Variants in DYNC2H1 observed in about 807,000 individuals in gnomAD.
DYNC2H1 encodes the protein cytoplasmic dynein 2 heavy chain 1.
DYNC2H1 carries 410 observed loss-of-function variants against 570.0 expected under a neutral mutation model. The ratio of observed to expected loss-of-function variants is 0.72; its 90% CI spans 0.66 to 0.78. DYNC2H1 has a LOEUF of 0.78. Ranked by LOEUF, DYNC2H1 falls within the 30% of genes least tolerant of loss-of-function variation. The pLI is 0.00. For synonymous variants in DYNC2H1, 1,688 were observed against 1,677.6 expected (o/e 1.01, Z -0.15); for missense variants, 4,865 against 5,046.4 (o/e 0.96, Z 1.09).
intron 82 of DYNC2H1, among the ~76,000 whole-genome samples, chr11:103,351,433 A>G (rs1398729455): frequency 1.3e-5 from 2 of 152,218 alleles, no homozygotes; most frequent in African/African-American, 4.8e-5. Flanking sequence ...GGAGGAGAAG[A>G]ACATTACATT....
At chr11:103,478,927 A>C (rs1462102416) in intron 88 of DYNC2H1, among the ~76,000 whole-genome samples, 168 bp from the exon 89 acceptor site, 1 of 152,206 alleles carries the variant, frequency 6.6e-6, no homozygotes, top group African/African-American at 2.4e-5. Context: ...TAAATAAAAC[A>C]CGATAGGCCA....
At chr11:103,400,133 A>G (rs1399824309) in intron 84 of DYNC2H1, among the ~76,000 whole-genome samples, 2 of 152,200 alleles carry the variant, frequency 1.3e-5, no homozygotes, top group Admixed American at 6.5e-5. Flanking sequence ...AATGAAATTT[A>G]TGTTGATTTC....
At chr11:103,121,960 AT>A (rs1404333805) in intron 10 of DYNC2H1, among the ~76,000 whole-genome samples, 5 of 152,028 alleles carry the variant, frequency 3.3e-5, no homozygotes, top group Admixed American at 6.6e-5. Context: ...CAAAAAAAAA[AT>A]ATTGTAAAAT....
At chr11:103,190,132 T>G (rs1862235655) in intron 45 of DYNC2H1, among the ~76,000 whole-genome samples, 1 of 152,206 alleles carries the variant, frequency 6.6e-6, no homozygotes, top group Non-Finnish European at 1.5e-5. Flanking sequence ...TTTCCTGACT[T>G]CTATCAGTTT....
At chr11:103,362,675 G>T (rs769037450) in intron 83 of DYNC2H1, among the ~76,000 whole-genome samples, 1 of 152,026 alleles carries the variant, frequency 6.6e-6, no homozygotes, top group Non-Finnish European at 1.5e-5. Context: ...CAAATAGAGC[G>T]CTACAAAGTT....
chr11:103,112,450 A>C (rs557291932), intron 1 of DYNC2H1, among the ~76,000 whole-genome samples: 2 of 152,350 alleles, frequency 1.3e-5, no homozygotes, highest in East Asian at 1.9e-4. Flanking sequence ...ATAATATTGC[A>C]GGCAACAAGG....
At chr11:103,354,507 A>C (rs895725055) in intron 82 of DYNC2H1, among the ~76,000 whole-genome samples, 2 of 152,038 alleles carry the variant, frequency 1.3e-5, no homozygotes, top group Non-Finnish European at 2.9e-5. Flanking sequence ...ATACTTCAAT[A>C]GATTTATAAA....
At position 103,201,507 on chromosome 11, in the gene DYNC2H1, C is replaced by A. The variant is rs1406323832; in HGVS notation, c.8197+1353C>A. On this transcript the variant is annotated intron_variant, in intron 50 of 88. Transcript: ENST00000375735. This position sits in a 1 kb window ranked among gnomAD's most constrained non-coding sequence, Gnocchi z 4.8. ...GGATAATTAAAAACAACAACAACAA[C>A]AACAACTAAAAACGAATTCTTTGCT... 6.6e-6 allele frequency among the ~76,000 whole-genome samples: 1 copy of A among 152,122 alleles called. No homozygotes were observed. Among genetic ancestry groups the A allele is most frequent in the East Asian group, 1.9e-4 (1 of 5,198 alleles).
At chr11:103,190,960 C>CCT (rs371317903) in intron 45 of DYNC2H1, among the ~76,000 whole-genome samples, 3 of 110,542 alleles carry the variant, frequency 2.7e-5, no homozygotes, top group African/African-American at 1.0e-4. Flanking sequence ...GCTTTTTAGC[C>CCT]TTTTTTTTTT....
chr11:103,323,830 T>C, intron 81 of DYNC2H1, 56 bp from the exon 82 acceptor site: 3 of 1,278,810 alleles, frequency 2.3e-6, no homozygotes, highest in East Asian at 2.5e-5. Context: ...ATTTCAATGA[T>C]TGTAAGTTCA....
intron 18 of DYNC2H1, among the ~76,000 whole-genome samples, chr11:103,147,257 A>C (rs186460511): frequency 1.3e-5 from 2 of 152,296 alleles, no homozygotes; most frequent in African/African-American, 4.8e-5. Flanking sequence ...GAAGATTCAA[A>C]GTAACCATTC....
At chr11:103,257,832 A>T (rs1865124983) in intron 69 of DYNC2H1, 81 bp downstream of exon 69, 7 of 1,249,026 alleles carry the variant, frequency 5.6e-6, no homozygotes, top group Non-Finnish European at 6.1e-6. Flanking sequence ...TATAATAAAA[A>T]TTATTAAGCA....
chr11:103,128,960 G>A lies in DYNC2H1; in HGVS notation c.1908G>A (p.Arg636=), dbSNP rs773864708. 1.4e-5 allele frequency: 23 copies of A among 1,604,290 alleles called. No individual in the cohort carries two copies. Among genetic ancestry groups the A allele is most frequent in the Admixed American group, 6.8e-5 (4 of 59,234 alleles). ...SIDQQMIQSQ[R]PMMLQSALAF... ...ATCAACAAATGATTCAAAGTCAGAGGCCAATGATGTTACAATCTGCCTTAG... is the reference window on the plus strand; with the variant it reads ...ATCAACAAATGATTCAAAGTCAGAGACCAATGATGTTACAATCTGCCTTAG... Residue 636 remains arginine, a synonymous_variant, in exon 13 of 89, where the codon AGG becomes AGA. Transcript: ENST00000375735.
At chr11:103,309,166 C>CTTTTTTTTTTT (rs1274431520) in intron 78 of DYNC2H1, among the ~76,000 whole-genome samples, 3 of 56,538 alleles carry the variant, frequency 5.3e-5, no homozygotes, top group Non-Finnish European at 7.9e-5. Context: ...TAACTGCATG[C>CTTTTTTTTTTT]TATTTTTTTT....
In DYNC2H1 at chr11:103,225,531, T is replaced by C. The variant is rs572356079; in HGVS notation, c.9353+2445T>C. On this transcript the variant is annotated intron_variant, in intron 59 of 88. Transcript: ENST00000375735. ...GGCATCCTTTCCCTACTCTATGTTT[T>C]TGTTTACTTTGTGAAAGATCAGTTG... Among the ~76,000 whole-genome samples, 8 of 152,320 alleles carry C rather than the reference T, an allele frequency of 5.3e-5. No individual in the cohort carries two copies. In the South Asian group the frequency reaches 1.7e-3, roughly 32 times the overall value.
chr11:103,447,164 A>G (rs1426914679), intron 85 of DYNC2H1, among the ~76,000 whole-genome samples: 1 of 152,148 alleles, frequency 6.6e-6, no homozygotes, highest in Non-Finnish European at 1.5e-5. Context: ...CTACTGAAAA[A>G]TGGTACTTTT....
Position 103,408,691 on chromosome 11 carries a change from G to A in DYNC2H1, c.12366+8819G>A, listed in dbSNP as rs183244954. Reference sequence around the variant, plus strand: ...GATGTCCTGATCCAACATTGAGGTCGTAAACCCTATTGTCTATATGGACTC... The same window carrying A: ...GATGTCCTGATCCAACATTGAGGTCATAAACCCTATTGTCTATATGGACTC... On this transcript the variant is annotated intron_variant, in intron 84 of 88. Coordinates refer to ENST00000375735, the MANE Select transcript of DYNC2H1 (RefSeq NM_001377.3). Among the ~76,000 whole-genome samples the A allele has an allele frequency of 6.6e-5, 10 of 152,158 alleles. 1 individual carries two copies. Among genetic ancestry groups the A allele is most frequent in the Admixed American group, 2.0e-4 (3 of 15,252 alleles).
intron 60 of DYNC2H1, 122 bp downstream of exon 60, chr11:103,231,468 C>T: frequency 1.9e-6 from 1 of 526,598 alleles, no homozygotes; most frequent in Non-Finnish European, 3.3e-6. Context: ...GCTGTGGGAC[C>T]CAGTAGTCTA....
chr11:103,198,169 G>A (rs1862575644), intron 48 of DYNC2H1, 106 bp downstream of exon 48: 11 of 1,271,928 alleles, frequency 8.6e-6, no homozygotes, highest in Non-Finnish European at 1.2e-5. Context: ...TTGTAGAATA[G>A]GCAAAGCTGG....
Sources: gnomAD v4.1 joint callset for allele counts (sites outside exome capture counted in the v4.1 genomes callset) on GRCh38, gnomAD v4.1.1 for gene constraint, Gnocchi (gnomAD v3.1) non-coding constraint, MANE v1.5 for transcripts, NCBI Gene and HGNC (gene_info 2026-07-23, HGNC 2026-07-21) for gene names.